AGTPBP1: variants seen among roughly 807,000 people sequenced by gnomAD.
AGTPBP1 encodes ATP/GTP binding carboxypeptidase 1.
AGTPBP1 carries 70 observed loss-of-function variants against 143.9 expected under a neutral mutation model. The ratio of observed to expected loss-of-function variants is 0.49; its 90% confidence interval spans 0.40 to 0.59. The LOEUF is 0.59. AGTPBP1 is among the 20% of genes least tolerant of loss of function. The pLI is 0.00. For synonymous variants in AGTPBP1, 463 were observed against 500.2 expected (o/e 0.93, Z 0.99); for missense variants, 1,229 against 1,464.5 (o/e 0.84, Z 2.62).
chr9:85,805,000 G>A, the AGTPBP1 span, among the ~76,000 whole-genome samples: 2 of 152,148 alleles, frequency 1.3e-5, no homozygotes, highest in Non-Finnish European at 2.9e-5. Flanking sequence ...GGAGTGGCCT[G>A]GAGTCTCATT....
intron 18 of AGTPBP1, 22 bp from the exon 19 acceptor site, chr9:85,592,726 C>A: frequency 1.9e-6 from 3 of 1,602,932 alleles, no homozygotes; most frequent in East Asian, 2.3e-5. Flanking sequence ...ACGCATAAAA[C>A]ATGTTCATTT....
At chr9:85,688,096 TAAAAAA>T (rs58523894) in intron 3 of AGTPBP1, among the ~76,000 whole-genome samples, 2 of 34,684 alleles carry the variant, frequency 5.8e-5, no homozygotes, top group Non-Finnish European at 9.5e-5. Context: ...GTCTCAAAAT[TAAAAAA>T]AAAAAAAAAA....
At chr9:85,578,053 G>A (rs978075051) in intron 24 of AGTPBP1, among the ~76,000 whole-genome samples, 2 of 152,158 alleles carry the variant, frequency 1.3e-5, no homozygotes, top group Non-Finnish European at 2.9e-5. Flanking sequence ...TAATTAGCAC[G>A]ACACCTGAAA....
the AGTPBP1 span, among the ~76,000 whole-genome samples, chr9:85,750,472 G>A: frequency 6.6e-6 from 1 of 152,120 alleles, no homozygotes; most frequent in Non-Finnish European, 1.5e-5. Context: ...TGGAAATATG[G>A]TGGAAACTAA....
intron 11 of AGTPBP1, 99 bp downstream of exon 11, chr9:85,655,044 C>T: frequency 1.9e-6 from 2 of 1,050,870 alleles, no homozygotes; most frequent in South Asian, 2.1e-5. Context: ...TTAAGTAAGG[C>T]CTTCCTTTGC....
intron 6 of AGTPBP1, among the ~76,000 whole-genome samples, chr9:85,673,916 C>A (rs1036250677): frequency 1.3e-5 from 2 of 151,740 alleles, no homozygotes; most frequent in Admixed American, 6.6e-5. Context: ...GTCAGAAGAT[C>A]CAGACCATCC....
At chr9:85,603,707 T>G (rs542968882) in intron 17 of AGTPBP1, among the ~76,000 whole-genome samples, 28 of 152,020 alleles carry the variant, frequency 1.8e-4, no homozygotes, top group Non-Finnish European at 3.5e-4. Flanking sequence ...AGGCCTTGGC[T>G]TCTGGACAGC....
intron 17 of AGTPBP1, among the ~76,000 whole-genome samples, chr9:85,600,859 C>T (rs1027633912): frequency 1.3e-5 from 2 of 152,150 alleles, no homozygotes; most frequent in African/African-American, 4.8e-5. Flanking sequence ...GCCACCAATG[C>T]CACAAGCTGC....
At chr9:85,596,525 A>C (rs1252084776) in intron 17 of AGTPBP1, 76 bp from the exon 18 acceptor site, 57 of 986,822 alleles carry the variant, frequency 5.8e-5, no homozygotes, top group Non-Finnish European at 7.8e-5. Flanking sequence ...CCTTTGTAGA[A>C]AGCACCAAAC....
chr9:85,723,131 C>G (rs1587979771), intron 1 of AGTPBP1, among the ~76,000 whole-genome samples: 1 of 152,222 alleles, frequency 6.6e-6, no homozygotes, highest in Non-Finnish European at 1.5e-5. Flanking sequence ...ACATGGGGGT[C>G]AGGGACCCAC....
chr9:85,661,518 T>G (rs1018827380), intron 8 of AGTPBP1, among the ~76,000 whole-genome samples: 1 of 152,086 alleles, frequency 6.6e-6, no homozygotes, highest in Non-Finnish European at 1.5e-5. Context: ...GTATCAGCCC[T>G]TAACATTTTT....
chr9:85,609,625 A>G (rs1374295370), intron 17 of AGTPBP1, among the ~76,000 whole-genome samples: 1 of 152,024 alleles, frequency 6.6e-6, no homozygotes, highest in Non-Finnish European at 1.5e-5. Context: ...GTAAAATGGC[A>G]CTCTTTGAAG....
intron 18 of AGTPBP1, among the ~76,000 whole-genome samples, chr9:85,592,966 C>T (rs893858048): frequency 6.6e-6 from 1 of 152,028 alleles, no homozygotes; most frequent in African/African-American, 2.4e-5. Context: ...TTTTAGAACC[C>T]CATTCTTTGA....
Position 85,588,287 on chromosome 9 carries a change from G to T in AGTPBP1, c.2903+11C>A. The stretch of plus-strand genomic sequence containing the variant: ...GTCTTGAATATATTCTACAACTATT[G>T]CTTAACTTACTTTCCATTGATGACA... On this transcript the variant is annotated intron_variant, in intron 21 of 25. Transcript: ENST00000357081. 1 of 1,587,214 alleles carries T rather than the reference G, an allele frequency of 6.3e-7. No individual in the cohort carries two copies. The highest frequency in any genetic ancestry group is 8.6e-7 in the Non-Finnish European group (1 of 1,165,592).
At chr9:85,672,399 T>C in intron 7 of AGTPBP1, 151 bp downstream of exon 7, 1 of 883,250 alleles carries the variant, frequency 1.1e-6, no homozygotes, top group South Asian at 1.9e-5. Context: ...TCACTTTTGT[T>C]GTGGTTGGAG....
At chr9:85,770,611 A>C in the AGTPBP1 span, 3 of 582,150 alleles carry the variant, frequency 5.2e-6, no homozygotes, top group Non-Finnish European at 9.0e-6. Context: ...TGTAACTACA[A>C]ATTTGAGCAT....
chr9:85,800,248 ATAGGGGAGG>A, the AGTPBP1 span, among the ~76,000 whole-genome samples: 1 of 152,198 alleles, frequency 6.6e-6, no homozygotes, highest in Admixed American at 6.5e-5. Context: ...AGTAGGGAAT[ATAGGGGAGG>A]CAGGATCTCA....
chr9:85,779,176 TATATAGATATAGATA>T, the AGTPBP1 span, among the ~76,000 whole-genome samples: 1 of 133,726 alleles, frequency 7.5e-6, no homozygotes, highest in South Asian at 2.4e-4. Context: ...TAATAGGAGA[TATATAGATATAGATA>T]TAGATATAGA....
chr9:85,683,092 G>A (rs974829727), intron 3 of AGTPBP1, among the ~76,000 whole-genome samples: 8 of 152,068 alleles, frequency 5.3e-5, no homozygotes, highest in Non-Finnish European at 8.8e-5. Flanking sequence ...AGAAACTCCC[G>A]TAAGTGATAT....
Sources: allele counts gnomAD v4.1 joint callset (sites outside exome capture counted in the v4.1 genomes callset), GRCh38; gene constraint gnomAD v4.1.1; transcripts MANE v1.5; gene names NCBI Gene and HGNC (gene_info 2026-07-23, HGNC 2026-07-21).